The following NCKAP1 variants were observed in gnomAD, a reference collection of about 807,000 sequenced individuals.
NCKAP1 encodes nck-associated protein 1.
NCKAP1 carries 21 observed loss-of-function variants against 151.2 expected under a neutral mutation model. That is an observed-to-expected ratio of 0.14 (90% CI 0.10 to 0.20). The LOEUF (loss-of-function observed/expected upper bound fraction) is 0.20, where lower values mean the gene tolerates loss of function less well. Among genes scored for constraint, NCKAP1 ranks in the 10% least tolerant of loss-of-function variants. The pLI is 1.00. For missense variants in NCKAP1, 933 were observed against 1,352.1 expected, an observed-to-expected ratio of 0.69 and a Z score of 4.86; for synonymous variants, 484 against 451.8, an observed-to-expected ratio of 1.07 and a Z score of -0.90.
chr2:183,005,029 T>C (rs746184809), intron 2 of NCKAP1, among the ~76,000 whole-genome samples: 15 of 123,306 alleles, frequency 1.2e-4, no homozygotes, highest in East Asian at 2.1e-4. Context: ...CACAACATTA[T>C]CTGTTTCAGA....
intron 23 of NCKAP1, among the ~76,000 whole-genome samples, chr2:182,945,741 T>C (rs1171765350): frequency 6.6e-6 from 1 of 152,220 alleles, no homozygotes; most frequent in African/African-American, 2.4e-5. Context: ...GAAAAGCAGT[T>C]TGCAGATTTC....
rs936070283 is a variant in NCKAP1 at position 182,978,979 on chromosome 2, A to T, written c.1342-64T>A. 3 of 1,091,530 alleles carry T rather than the reference A, an allele frequency of 2.7e-6. No individual in the cohort carries two copies. The East Asian group carries it at 7.3e-5, about 26-fold the overall frequency. The allele number at this position is 1,091,530 out of a possible 1,614,324, so 67.6% of individuals were successfully genotyped here. A position where few individuals can be genotyped will look rare whatever the true frequency, so the allele number is the denominator to read the frequency against. On this transcript the variant is annotated intron_variant, in intron 13 of 30. Transcript: ENST00000361354. ...AGTTGGGAAACAACTCAGGTCTATC[A>T]ATTAGTGGACGGATAAACAAACTGG...
At chr2:182,987,056 A>C (rs188846915) in intron 9 of NCKAP1, among the ~76,000 whole-genome samples, 3 of 152,256 alleles carry the variant, frequency 2.0e-5, no homozygotes, top group Admixed American at 2.0e-4. Flanking sequence ...AGCCTGGCCA[A>C]CATGGTGAAA....
chr2:183,037,545 G>T (rs1185479119), intron 1 of NCKAP1, among the ~76,000 whole-genome samples: 1 of 152,210 alleles, frequency 6.6e-6, no homozygotes, highest in African/African-American at 2.4e-5. Context: ...ACCAAAAAAT[G>T]GGGATGTGGG....
At chr2:183,014,050 C>T (rs1698637175) in intron 2 of NCKAP1, among the ~76,000 whole-genome samples, 1 of 152,148 alleles carries the variant, frequency 6.6e-6, no homozygotes, top group Admixed American at 6.5e-5. Context: ...CTGCTTTGTT[C>T]TTCCTAGAAC....
At chr2:183,028,385 T>C (rs1372167304) in intron 1 of NCKAP1, among the ~76,000 whole-genome samples, 1 of 152,098 alleles carries the variant, frequency 6.6e-6, no homozygotes, top group Non-Finnish European at 1.5e-5. Context: ...AATTTAAATA[T>C]TTATATACTT....
In NCKAP1 at chr2:182,922,359, T is replaced by C. The variant is rs1696565511; in HGVS notation, c.*3343A>G. On this transcript the variant is annotated 3_prime_UTR_variant, in exon 31 of 31. Transcript: ENST00000361354. ...CATTTCCTTTATTAACCAGCCTACA[T>C]TAGATTTAATTTGTGAACTCTGCTA... The C allele has an allele frequency of 6.6e-6, 1 of 152,216 alleles. No individual in the cohort carries two copies. Among genetic ancestry groups the C allele is most frequent in the Non-Finnish European group, 1.5e-5 (1 of 68,038 alleles). The allele number at this position is 152,216 out of a possible 1,614,324, so 9.4% of individuals were successfully genotyped here.
intron 27 of NCKAP1, 67 bp from the exon 28 acceptor site, chr2:182,928,966 A>C (rs1413341522): frequency 1.4e-5 from 14 of 992,048 alleles, no homozygotes; most frequent in Non-Finnish European, 2.1e-5. Flanking sequence ...TTGATAATCT[A>C]AACTAAACAG....
chr2:182,972,913 G>A (rs1697729973), intron 15 of NCKAP1, among the ~76,000 whole-genome samples: 1 of 152,100 alleles, frequency 6.6e-6, no homozygotes, highest in South Asian at 2.1e-4. Flanking sequence ...GGTAGGAAGT[G>A]GGAATAAAGA....
At chr2:183,015,834 T>A (rs1575066459) in intron 2 of NCKAP1, among the ~76,000 whole-genome samples, 2 of 142,338 alleles carry the variant, frequency 1.4e-5, no homozygotes. Context: ...TTTGACAACA[T>A]GAGAAGAAAA....
intron 13 of NCKAP1, among the ~76,000 whole-genome samples, chr2:182,980,143 A>C (rs1697907775): frequency 6.6e-6 from 1 of 152,136 alleles, no homozygotes; most frequent in African/African-American, 2.4e-5. Context: ...GTTAAGTAAT[A>C]ACTATTCAAA....
At chr2:182,998,533 C>A (rs1698315038) in intron 6 of NCKAP1, among the ~76,000 whole-genome samples, 1 of 151,722 alleles carries the variant, frequency 6.6e-6, no homozygotes, top group South Asian at 2.1e-4. Flanking sequence ...GCTGAGGACT[C>A]AAGAATAAAA....
At position 182,952,858 on chromosome 2, in the gene NCKAP1, G is replaced by A. The variant is rs750663916; in HGVS notation, c.2438C>T (p.Ala813Val). The change falls in exon 22 of 31, where the codon GCG becomes GTG. Residue 813 changes from alanine to valine, a missense_variant. This residue lies in a region of NCKAP1 where 326 missense variants were observed against 557.1 expected (regional missense o/e 0.59). Coordinates refer to ENST00000361354, the MANE Select transcript of NCKAP1 (RefSeq NM_013436.5). ...ATTTTCTGTAGGTAAGTTCACAAAC[G>A]CTTTCATTGCAGGAAAATATGCTAT... ...GHIAYFPAMK[A>V]FVNLPTENEL... 1.9e-6 allele frequency: 3 copies of A among 1,611,610 alleles called. No homozygotes were observed. Among genetic ancestry groups the A allele is most frequent in the East Asian group, 2.2e-5 (1 of 44,754 alleles).
At chr2:182,925,945 T>C (rs143256152) in intron 30 of NCKAP1, 127 bp from the exon 31 acceptor site, 5 of 459,664 alleles carry the variant, frequency 1.1e-5, no homozygotes, top group Admixed American at 8.5e-5. Context: ...ATTGTTCTTA[T>C]TAGCAATAGA....
intron 2 of NCKAP1, among the ~76,000 whole-genome samples, chr2:183,011,575 T>C (rs1317910519): frequency 6.6e-6 from 1 of 152,242 alleles, no homozygotes; most frequent in African/African-American, 2.4e-5. Flanking sequence ...CTTATTCATG[T>C]TATAGCGTTT....
chr2:183,001,092 C>G (rs1244917101), intron 6 of NCKAP1, among the ~76,000 whole-genome samples: 3 of 152,160 alleles, frequency 2.0e-5, no homozygotes, highest in African/African-American at 7.2e-5. Context: ...GACGCTGTCT[C>G]AAAGAAAGAA....
chr2:182,930,665 G>C (rs1364891450), intron 27 of NCKAP1, 30 bp downstream of exon 27: 1 of 1,550,864 alleles, frequency 6.4e-7, no homozygotes, highest in Non-Finnish European at 8.9e-7. Flanking sequence ...CTTTAACTAA[G>C]AGTATTAAAT....
chr2:182,950,334 CTAGTT>C (rs1310480116), intron 23 of NCKAP1, among the ~76,000 whole-genome samples: 1 of 151,962 alleles, frequency 6.6e-6, no homozygotes, highest in Non-Finnish European at 1.5e-5. Context: ...CTAGAAGTGC[CTAGTT>C]TATTCAGTCT....
intron 15 of NCKAP1, among the ~76,000 whole-genome samples, chr2:182,968,230 G>A (rs1333614750): frequency 6.6e-6 from 1 of 152,180 alleles, no homozygotes; most frequent in Non-Finnish European, 1.5e-5. Flanking sequence ...AAGCATGACT[G>A]GGAAGGGAAA....
Sources: allele counts gnomAD v4.1 joint callset (sites outside exome capture counted in the v4.1 genomes callset), GRCh38; gene constraint gnomAD v4.1.1; regional missense constraint gnomAD v4.1.1; transcripts MANE v1.5; gene names NCBI Gene and HGNC (gene_info 2026-07-23, HGNC 2026-07-21).